Variants in GALNT17 observed in about 807,000 individuals in gnomAD.
GALNT17 encodes polypeptide N-acetylgalactosaminyltransferase 17, also known as UDP-GalNAc:polypeptide N-acetylgalactosaminyltransferase-like 3.
GALNT17 carries 29 observed loss-of-function variants against 63.7 expected under a neutral mutation model. That is an observed-to-expected ratio of 0.46 (90% CI 0.34 to 0.62). GALNT17 has a LOEUF of 0.62. Ranked by LOEUF, GALNT17 falls within the 20% of genes least tolerant of loss-of-function variation. The pLI is 0.01. For synonymous variants in GALNT17, 305 were observed against 318.3 expected (o/e 0.96, Z 0.45); for missense variants, 603 against 799.6 (o/e 0.75, Z 2.97).
intron 6 of GALNT17, among the ~76,000 whole-genome samples, chr7:71,582,437 CT>C (rs1381742195): frequency 1.3e-5 from 2 of 150,476 alleles, no homozygotes; most frequent in Non-Finnish European, 3.0e-5. Context: ...AAAAAAATAG[CT>C]GGGCATGGTG....
chr7:71,675,167 A>T (rs914448462), intron 8 of GALNT17, among the ~76,000 whole-genome samples: 1 of 152,024 alleles, frequency 6.6e-6, no homozygotes, highest in Admixed American at 6.6e-5. Flanking sequence ...CTGGTGACAG[A>T]GCAAGACTCC....
chr7:71,378,888 G>C (rs1792792947), intron 2 of GALNT17, among the ~76,000 whole-genome samples: 1 of 152,076 alleles, frequency 6.6e-6, no homozygotes, highest in African/African-American at 2.4e-5. Context: ...TGTAGTCCCA[G>C]CTACTTGGGA....
At chr7:71,512,892 G>T (rs1788384415) in intron 5 of GALNT17, among the ~76,000 whole-genome samples, 1 of 152,232 alleles carries the variant, frequency 6.6e-6, no homozygotes, top group African/African-American at 2.4e-5. Context: ...TGTCAAATGG[G>T]CCAAGATTCC....
chr7:71,175,323 G>C (rs983870277), intron 1 of GALNT17, among the ~76,000 whole-genome samples: 1 of 151,936 alleles, frequency 6.6e-6, no homozygotes, highest in Non-Finnish European at 1.5e-5. Context: ...TCTATCATCT[G>C]TCCCTATCAT....
chr7:71,180,380 G>A (rs1470455703), intron 1 of GALNT17, among the ~76,000 whole-genome samples: 1 of 152,110 alleles, frequency 6.6e-6, no homozygotes, highest in East Asian at 1.9e-4. Flanking sequence ...GCCTGACTCA[G>A]CCTCCCAAAG....
intron 1 of GALNT17, among the ~76,000 whole-genome samples, chr7:71,331,545 CAAAATTGTTTTAA>C (rs1017443969): frequency 5.9e-5 from 9 of 152,088 alleles, no homozygotes; most frequent in Admixed American, 5.9e-4. Flanking sequence ...CCCATCTATA[CAAAATTGTTTTAA>C]AAAATTAGCT....
At chr7:71,576,663 C>T (rs986651649) in intron 6 of GALNT17, among the ~76,000 whole-genome samples, 1 of 152,004 alleles carries the variant, frequency 6.6e-6, no homozygotes, top group Non-Finnish European at 1.5e-5. Context: ...CTCCGCCTCC[C>T]AGGTTCAAGT....
At chr7:71,380,647 T>G (rs1792828037) in intron 2 of GALNT17, among the ~76,000 whole-genome samples, 1 of 151,096 alleles carries the variant, frequency 6.6e-6, no homozygotes, top group African/African-American at 2.4e-5. Flanking sequence ...TGGGAGGGAG[T>G]TGAGTAGAAA....
intron 6 of GALNT17, among the ~76,000 whole-genome samples, chr7:71,602,075 A>G (rs1053190787): frequency 2.0e-5 from 3 of 152,208 alleles, no homozygotes; most frequent in Non-Finnish European, 4.4e-5. Flanking sequence ...AAGTGAATCA[A>G]TATGCTCCCG....
At chr7:71,697,846 G>A (rs994613931) in intron 9 of GALNT17, among the ~76,000 whole-genome samples, 1 of 152,122 alleles carries the variant, frequency 6.6e-6, no homozygotes, top group Admixed American at 6.5e-5. Flanking sequence ...GTATCAGCCG[G>A]GAGTGGTGGC....
rs1055363045 is a variant in GALNT17, at chr7:71,286,780, G to A, written c.239-48770G>A. 2.9e-5 allele frequency among the ~76,000 whole-genome samples: 4 copies of A among 139,608 alleles called. No homozygotes were observed. In the South Asian group the frequency reaches 7.1e-4, roughly 25 times the overall value. The allele number at this position is 139,608 out of a possible 152,430, so 91.6% of individuals were successfully genotyped here. A position where few individuals can be genotyped will look rare whatever the true frequency, so the allele number is the denominator to read the frequency against. On this transcript the variant is annotated intron_variant, in intron 1 of 10. Coordinates refer to ENST00000333538, the MANE Select transcript of GALNT17 (RefSeq NM_022479.3). ...TTTTTTTTCTTTTTTTGTTTGTTAT[G>A]TTTTTGTTTGTTTGTTTGTTTTTTT...
chr7:71,385,954 C>A (rs1039138884), intron 2 of GALNT17, among the ~76,000 whole-genome samples: 2 of 152,200 alleles, frequency 1.3e-5, no homozygotes, highest in Admixed American at 1.3e-4. Context: ...GTAATCCCAG[C>A]ACTTGGGAAG....
chr7:71,616,550 AATT>A, intron 6 of GALNT17, among the ~76,000 whole-genome samples: 1 of 146,578 alleles, frequency 6.8e-6, no homozygotes, highest in South Asian at 2.1e-4. Flanking sequence ...AATATATAAT[AATT>A]ACATATAACT....
intron 1 of GALNT17, among the ~76,000 whole-genome samples, chr7:71,205,479 C>A (rs1398548629): frequency 6.6e-6 from 1 of 152,042 alleles, no homozygotes; most frequent in Non-Finnish European, 1.5e-5. Flanking sequence ...AGAGACAGGT[C>A]TCAGTGCAGT....
Position 71,425,454 on chromosome 7 carries a change from C to G in GALNT17, c.962+4349C>G, listed in dbSNP as rs572842039. On this transcript the variant is annotated intron_variant, in intron 5 of 10. Transcript: ENST00000333538. ...GACCAGGCTGGTCTTGAACTCCTGA[C>G]CTCGTGATCCACCCGTCTCAGCCTC... Among the ~76,000 whole-genome samples the G allele has an allele frequency of 7.2e-5, 11 of 152,244 alleles. No individual in the cohort carries two copies. In the South Asian group the frequency reaches 2.3e-3, roughly 32 times the overall value.
chr7:71,402,788 T>G (rs1472375194), intron 3 of GALNT17, among the ~76,000 whole-genome samples: 1 of 150,570 alleles, frequency 6.6e-6, no homozygotes, highest in African/African-American at 2.5e-5. Flanking sequence ...GGTTTATAAT[T>G]GCAGAGATGG....
intron 3 of GALNT17, among the ~76,000 whole-genome samples, chr7:71,391,330 A>G (rs1345195039): frequency 6.6e-6 from 1 of 152,088 alleles, no homozygotes; most frequent in African/African-American, 2.4e-5. Flanking sequence ...GGAGGAAGGG[A>G]AGGTTAAGGC....
intron 5 of GALNT17, among the ~76,000 whole-genome samples, chr7:71,446,706 G>C (rs887811480): frequency 1.3e-5 from 2 of 152,110 alleles, no homozygotes; most frequent in African/African-American, 4.8e-5. Flanking sequence ...GTGCCACCAT[G>C]CTCAGCTAAT....
intron 6 of GALNT17, among the ~76,000 whole-genome samples, chr7:71,652,215 A>G (rs1790764277): frequency 2.0e-5 from 3 of 151,948 alleles, no homozygotes; most frequent in Admixed American, 1.3e-4. Context: ...AATGACTTGC[A>G]TTGACTGGCA....
Sources: allele counts gnomAD v4.1 joint callset (sites outside exome capture counted in the v4.1 genomes callset), GRCh38; gene constraint gnomAD v4.1.1; transcripts MANE v1.5; gene names NCBI Gene and HGNC (gene_info 2026-07-23, HGNC 2026-07-21).